PDK1: variants seen among roughly 807,000 people sequenced by gnomAD.
PDK1 encodes pyruvate dehydrogenase kinase 1.
A neutral mutation model predicts 54.2 loss-of-function variants in PDK1; 39 were observed. The ratio of observed to expected loss-of-function variants is 0.72; its 90% CI spans 0.56 to 0.94. The LOEUF (loss-of-function observed/expected upper bound fraction) is 0.94, where lower values mean the gene tolerates loss of function less well. PDK1 is among the 40% of genes least tolerant of loss of function. PDK1 has a pLI of 0.00. For missense variants in PDK1, 552 were observed against 566.0 expected, an observed-to-expected ratio of 0.98 and a Z score of 0.25; for synonymous variants, 221 against 207.1, an observed-to-expected ratio of 1.07 and a Z score of -0.58.
chr2:172,723,184 C>T, the PDK1 span: 1 of 152,030 alleles, frequency 6.6e-6, no homozygotes, highest in South Asian at 2.1e-4. Context: ...CAGACAGACC[C>T]CTTCTTTCTG....
chr2:172,627,102 A>T, the PDK1 span, among the ~76,000 whole-genome samples: 1 of 152,236 alleles, frequency 6.6e-6, no homozygotes, highest in African/African-American at 2.4e-5. Context: ...CAACATGGTT[A>T]TGCAAATCAT....
chr2:172,557,610 C>CGTGT (rs55753852), intron 1 of PDK1, among the ~76,000 whole-genome samples: 16,058 of 141,856 alleles, frequency 0.11, 922 homozygotes, highest in Middle Eastern at 0.16. Context: ...TCTTTTTTCC[C>CGTGT]GTGTGTGTGT....
the PDK1 span, among the ~76,000 whole-genome samples, chr2:172,634,865 A>G: frequency 6.6e-6 from 1 of 152,174 alleles, no homozygotes; most frequent in Non-Finnish European, 1.5e-5. Flanking sequence ...TTTTATATGA[A>G]GTAACTGCAG....
chr2:172,627,111 A>G, the PDK1 span, among the ~76,000 whole-genome samples: 1 of 152,230 alleles, frequency 6.6e-6, no homozygotes, highest in Non-Finnish European at 1.5e-5. Context: ...TATGCAAATC[A>G]TTTCAGATGT....
the PDK1 span, among the ~76,000 whole-genome samples, chr2:172,654,756 T>G: frequency 6.6e-6 from 1 of 152,066 alleles, no homozygotes; most frequent in African/African-American, 2.4e-5. Context: ...ACTTAAAGTA[T>G]AATAATAAAA....
chr2:172,615,964 C>T, the PDK1 span, among the ~76,000 whole-genome samples: 204 of 152,300 alleles, frequency 1.3e-3, 1 homozygote, highest in African/African-American at 4.7e-3. Context: ...GACACAGCTA[C>T]GAACAGGCAC....
the PDK1 span, among the ~76,000 whole-genome samples, chr2:172,642,787 A>ACTCCTCCTC: frequency 0.37 from 52,986 of 143,536 alleles, 9,458 homozygotes; most frequent in Non-Finnish European, 0.45. Flanking sequence ...TCCTCCTCCC[A>ACTCCTCCTC]CTCCTCCTCC....
At chr2:172,592,642 C>T (rs1251195355) in intron 9 of PDK1, among the ~76,000 whole-genome samples, 2 of 152,146 alleles carry the variant, frequency 1.3e-5, no homozygotes, top group Non-Finnish European at 2.9e-5. Flanking sequence ...AGACACAATA[C>T]GACCGAGCAG....
At chr2:172,692,494 A>G in the PDK1 span, among the ~76,000 whole-genome samples, 18 of 152,294 alleles carry the variant, frequency 1.2e-4, no homozygotes, top group Non-Finnish European at 2.5e-4. Flanking sequence ...AACTGGGTCA[A>G]TTTGCCCATG....
At chr2:172,687,753 C>T in the PDK1 span, among the ~76,000 whole-genome samples, 12 of 152,302 alleles carry the variant, frequency 7.9e-5, no homozygotes, top group African/African-American at 2.6e-4. Context: ...CCAGGTGGAT[C>T]ATTTGGGTTC....
chr2:172,644,897 T>C, the PDK1 span, among the ~76,000 whole-genome samples: 6 of 150,320 alleles, frequency 4.0e-5, no homozygotes, highest in African/African-American at 1.5e-4. Flanking sequence ...TGTATGACCC[T>C]AAACAAATTA....
chr2:172,696,521 T>C, the PDK1 span, among the ~76,000 whole-genome samples: 2 of 152,250 alleles, frequency 1.3e-5, no homozygotes, highest in African/African-American at 4.8e-5. Flanking sequence ...CATTTTGATT[T>C]AGCTGCTCTC....
the PDK1 span, among the ~76,000 whole-genome samples, chr2:172,715,350 G>A: frequency 6.6e-6 from 1 of 152,164 alleles, no homozygotes; most frequent in Non-Finnish European, 1.5e-5. Flanking sequence ...TCAGATTTAA[G>A]CCTATGGAAG....
At chr2:172,585,901 C>T (rs928067551) in intron 8 of PDK1, among the ~76,000 whole-genome samples, 1 of 152,112 alleles carries the variant, frequency 6.6e-6, no homozygotes, top group Admixed American at 6.5e-5. Flanking sequence ...TGCGGTGGCT[C>T]ATGCCTATAA....
the PDK1 span, among the ~76,000 whole-genome samples, chr2:172,622,307 A>AT: frequency 0.097 from 12,661 of 130,140 alleles, 1,344 homozygotes; most frequent in African/African-American, 0.15. Flanking sequence ...ATATGTTTAT[A>AT]TCTCATATAT....
chr2:172,672,889 A>G, the PDK1 span, among the ~76,000 whole-genome samples: 9,535 of 151,046 alleles, frequency 0.063, 1,012 homozygotes, highest in East Asian at 0.56. Context: ...TAGCAGCAGG[A>G]CATACCCAAG....
the PDK1 span, among the ~76,000 whole-genome samples, chr2:172,656,597 C>T: frequency 6.6e-6 from 1 of 152,116 alleles, no homozygotes; most frequent in Non-Finnish European, 1.5e-5. Flanking sequence ...AACAAAGCCT[C>T]TAGTATATTG....
chr2:172,631,205 GTCTATTTTGAGTTT>G, the PDK1 span, among the ~76,000 whole-genome samples: 1 of 152,190 alleles, frequency 6.6e-6, no homozygotes, highest in African/African-American at 2.4e-5. Flanking sequence ...ACATAAACGT[GTCTATTTTGAGTTT>G]TCTATTCTTT....
chr2:172,587,595 T>C (rs75239121), intron 9 of PDK1, among the ~76,000 whole-genome samples: 7 of 152,130 alleles, frequency 4.6e-5, no homozygotes, highest in Admixed American at 2.6e-4. Flanking sequence ...GCAAGATTTA[T>C]TGTGAAGAGC....
Sources: allele counts gnomAD v4.1 joint callset (sites outside exome capture counted in the v4.1 genomes callset), GRCh38; gene constraint gnomAD v4.1.1; transcripts MANE v1.5; gene names NCBI Gene and HGNC (gene_info 2026-07-23, HGNC 2026-07-21).